Variants in FGFR2 observed in about 807,000 individuals in gnomAD.
FGFR2 encodes the protein fibroblast growth factor receptor 2.
In FGFR2, 19 loss-of-function variants were observed where a neutral mutation model predicts 95.9. The ratio of observed to expected loss-of-function variants is 0.20; its 90% CI spans 0.14 to 0.29. The LOEUF is 0.29. Ranked by LOEUF, FGFR2 falls within the 10% of genes least tolerant of loss-of-function variation. The pLI is 1.00. For synonymous variants in FGFR2, 392 were observed against 393.3 expected (o/e 1.00, Z 0.04); for missense variants, 707 against 1,056.9 (o/e 0.67, Z 4.59).
At chr10:121,572,158 GAAAA>G (rs71022844) in intron 2 of FGFR2, among the ~76,000 whole-genome samples, 3 of 105,840 alleles carry the variant, frequency 2.8e-5, no homozygotes, top group South Asian at 3.6e-4. Context: ...CACAAAAAAT[GAAAA>G]AAAAAAAAAA....
At chr10:121,543,275 C>T (rs945738309) in intron 5 of FGFR2, among the ~76,000 whole-genome samples, 6 of 152,080 alleles carry the variant, frequency 3.9e-5, no homozygotes, top group Non-Finnish European at 8.8e-5. Context: ...TTTGGGAGGC[C>T]GAGGCGGGCA....
chr10:121,567,781 A>C (rs1452576354), intron 2 of FGFR2, among the ~76,000 whole-genome samples: 9 of 152,156 alleles, frequency 5.9e-5, no homozygotes, highest in Admixed American at 4.6e-4. Context: ...CCCATTCCTT[A>C]TTGTCTGGCG....
At chr10:121,551,192 C>T (rs1447441595) in intron 5 of FGFR2, 98 bp downstream of exon 5, 11 of 1,406,510 alleles carry the variant, frequency 7.8e-6, no homozygotes, top group Non-Finnish European at 9.9e-6. Flanking sequence ...GGCACTCCAG[C>T]CTGGGCGACA....
chr10:121,554,945 A>C (rs1034530676), intron 4 of FGFR2, among the ~76,000 whole-genome samples: 2 of 152,132 alleles, frequency 1.3e-5, no homozygotes, highest in Non-Finnish European at 2.9e-5. Context: ...TTTTATACCA[A>C]GGCTCGTGAA....
At chr10:121,500,249 C>T (rs1421848861) in intron 11 of FGFR2, among the ~76,000 whole-genome samples, 1 of 152,194 alleles carries the variant, frequency 6.6e-6, no homozygotes, top group African/African-American at 2.4e-5. Context: ...AAACACAACA[C>T]GACATTTACA....
intron 1 of FGFR2, among the ~76,000 whole-genome samples, chr10:121,597,314 G>C (rs544553887): frequency 6.6e-6 from 1 of 152,252 alleles, no homozygotes; most frequent in Non-Finnish European, 1.5e-5. Context: ...CGCTGCGGCA[G>C]AGCAGGCAGG....
rs1436822908 is a variant in FGFR2, at chr10:121,518,521, G to T, written c.940-1058C>A. On this transcript the variant is annotated intron_variant, in intron 7 of 17. Transcript: ENST00000358487. The surrounding 1 kb of genome is among the most constrained non-coding windows in gnomAD (Gnocchi z 4.0). ...TGTGGGCATTTTTCCATGGCTACTG[G>T]CATCATACCAGCTGCATCACCGAAG... Among the ~76,000 whole-genome samples, 14 of 152,116 alleles carry T rather than the reference G, an allele frequency of 9.2e-5. No individual in the cohort carries two copies. The highest frequency in any genetic ancestry group is 1.5e-5 in the Non-Finnish European group (1 of 68,034).
intron 2 of FGFR2, among the ~76,000 whole-genome samples, chr10:121,570,220 A>G (rs1461136021): frequency 6.6e-6 from 1 of 152,254 alleles, no homozygotes; most frequent in Non-Finnish European, 1.5e-5. Flanking sequence ...TGCCGTCCAC[A>G]GGGCTTAGCT....
chr10:121,493,564 G>C (rs1338907594), intron 13 of FGFR2, among the ~76,000 whole-genome samples: 1 of 152,212 alleles, frequency 6.6e-6, no homozygotes, highest in Non-Finnish European at 1.5e-5. Flanking sequence ...GGCTGTGCCT[G>C]CTCGGCCTCC....
chr10:121,483,375 T>C (rs1352205322), intron 17 of FGFR2, among the ~76,000 whole-genome samples: 2 of 152,204 alleles, frequency 1.3e-5, no homozygotes, highest in African/African-American at 4.8e-5. Flanking sequence ...CTTTTTCCCA[T>C]GCACACCAAA....
chr10:121,563,012 G>A (rs1045133443), intron 4 of FGFR2, among the ~76,000 whole-genome samples: 6 of 152,222 alleles, frequency 3.9e-5, no homozygotes, highest in African/African-American at 1.4e-4. Flanking sequence ...GGCTGAGGCG[G>A]GTGGATCACT....
chr10:121,558,883 G>A (rs537124735), intron 4 of FGFR2, among the ~76,000 whole-genome samples: 11 of 152,028 alleles, frequency 7.2e-5, no homozygotes, highest in Middle Eastern at 3.4e-3. Flanking sequence ...CACCGCGCCC[G>A]ATCTTTAATT....
chr10:121,487,302 T>TA (rs1845548758), intron 15 of FGFR2, 52 bp downstream of exon 15: 7 of 1,404,116 alleles, frequency 5.0e-6, no homozygotes, highest in Non-Finnish European at 7.1e-6. Flanking sequence ...GTACGTACAG[T>TA]ATTTTTGCAG....
rs184889995 is a variant in FGFR2, at chr10:121,503,903, G to C, written c.1326C>G (p.Thr442=). Residue 442 remains threonine, a synonymous_variant, in exon 10 of 18, where the codon ACC becomes ACG. Transcript: ENST00000358487. ...AESSSSMNSN[T]PLVRITTRLS... is the part of the protein sequence containing the mutation. ...GGCGTGTTGTTATCCTCACCAGCGG[G>C]GTGTTGGAGTTCATGGAGGAGCTGG... 1.9e-6 allele frequency: 3 copies of C among 1,614,042 alleles called. No individual in the cohort carries two copies. The highest frequency in any genetic ancestry group is 1.3e-5 in the African/African-American group (1 of 74,982).
rs540748868 is a variant in FGFR2 at position 121,572,071 on chromosome 10, T to C, written c.110-6367A>G. Among the ~76,000 whole-genome samples, 7 of 149,952 alleles carry C rather than the reference T, an allele frequency of 4.7e-5. 1 individual carries two copies. The South Asian group carries it at 1.1e-3, about 23-fold the overall frequency. On this transcript the variant is annotated intron_variant, in intron 2 of 17. Transcript: ENST00000358487. The stretch of plus-strand genomic sequence containing the variant: ...GGTCATGCCTACAATCCCAGCACTT[T>C]GGGAGGTCGAGGTGGGAGAATCACT...
At chr10:121,561,801 G>C (rs1474317717) in intron 4 of FGFR2, among the ~76,000 whole-genome samples, 1 of 152,164 alleles carries the variant, frequency 6.6e-6, no homozygotes, top group Non-Finnish European at 1.5e-5. Context: ...TGTAATAAAG[G>C]ACTGTTATCC....
intron 5 of FGFR2, among the ~76,000 whole-genome samples, chr10:121,543,544 T>C (rs1055970505): frequency 5.9e-5 from 9 of 152,076 alleles, no homozygotes; most frequent in Admixed American, 3.9e-4. Flanking sequence ...GCATAAAATC[T>C]TATTCTCCCA....
intron 5 of FGFR2, among the ~76,000 whole-genome samples, chr10:121,541,051 G>C (rs574028592): frequency 6.6e-6 from 1 of 152,226 alleles, no homozygotes; most frequent in Admixed American, 6.5e-5. Context: ...TTCCATACAA[G>C]ATCCCTCTTC....
chr10:121,544,625 A>G (rs1328115299), intron 5 of FGFR2, among the ~76,000 whole-genome samples: 1 of 152,134 alleles, frequency 6.6e-6, no homozygotes, highest in African/African-American at 2.4e-5. Context: ...AGGCAAATTC[A>G]TAGACACAAA....
Sources: allele counts gnomAD v4.1 joint callset (sites outside exome capture counted in the v4.1 genomes callset), GRCh38; gene constraint gnomAD v4.1.1; non-coding constraint Gnocchi (gnomAD v3.1); transcripts MANE v1.5; gene names NCBI Gene and HGNC (gene_info 2026-07-23, HGNC 2026-07-21).